Variants in PLEKHH2 observed in about 807,000 individuals in gnomAD.
The protein encoded by PLEKHH2 is pleckstrin homology, MyTH4 and FERM domain containing H2.
Under a neutral mutation model 187.9 loss-of-function variants are expected in PLEKHH2, and 129 were observed. That is an observed-to-expected ratio of 0.69 (90% CI 0.59 to 0.79). PLEKHH2 has a LOEUF of 0.79. Ranked by LOEUF, PLEKHH2 falls within the 30% of genes least tolerant of loss-of-function variation. The pLI is 0.00. For missense variants in PLEKHH2, 2,076 were observed against 1,751.2 expected, an observed-to-expected ratio of 1.19 and a Z score of -3.31; for synonymous variants, 686 against 605.6, an observed-to-expected ratio of 1.13 and a Z score of -1.95.
chr2:43,750,570 A>G (rs1671970715), intron 24 of PLEKHH2, among the ~76,000 whole-genome samples: 1 of 151,786 alleles, frequency 6.6e-6, no homozygotes, highest in Admixed American at 6.6e-5. Flanking sequence ...ACTAACCCTC[A>G]TTTGTTGAAC....
At chr2:43,677,423 G>A (rs1232370039) in intron 2 of PLEKHH2, among the ~76,000 whole-genome samples, 1 of 152,090 alleles carries the variant, frequency 6.6e-6, no homozygotes, top group Non-Finnish European at 1.5e-5. Context: ...CTGCCTTCAA[G>A]CATCTGTTTA....
At chr2:43,751,399 C>G (rs949720977) in intron 24 of PLEKHH2, among the ~76,000 whole-genome samples, 1 of 152,080 alleles carries the variant, frequency 6.6e-6, no homozygotes, top group South Asian at 2.1e-4. Flanking sequence ...CAGGCTTTCC[C>G]CCCAGTAAGT....
At chr2:43,696,097 C>T (rs949169615) in intron 6 of PLEKHH2, among the ~76,000 whole-genome samples, 21 of 151,984 alleles carry the variant, frequency 1.4e-4, no homozygotes, top group African/African-American at 4.4e-4. Flanking sequence ...ATTGATAATC[C>T]GCTGATAAAC....
rs1671625300 is a variant in PLEKHH2, at chr2:43,742,755, A to C, written c.3236A>C (p.Lys1079Thr). The C allele has an allele frequency of 6.4e-7, 1 of 1,571,970 alleles. No homozygotes were observed. The highest frequency in any genetic ancestry group is 1.2e-5 in the South Asian group (1 of 83,212). ...RNADSRTEFG[K>T]YAIYCQRCVE... The stretch of plus-strand genomic sequence containing the variant: ...TTGTATTACAGGACAGAATTTGGAA[A>C]ATATGCCATTTACTGCCAGCGTTGT... Residue 1079 changes from lysine (K) to threonine (T), a missense_variant, in exon 22 of 30, where the codon AAA becomes ACA. Coordinates refer to ENST00000282406, the MANE Select transcript of PLEKHH2 (RefSeq NM_172069.4).
Position 43,731,524 on chromosome 2 carries a change from C to A in PLEKHH2, c.2865C>A (p.His955Gln). The A allele has an allele frequency of 6.2e-7, 1 of 1,605,692 alleles. No homozygotes were observed. The highest frequency in any genetic ancestry group is 8.5e-7 in the Non-Finnish European group (1 of 1,172,854). ...SQIWRHPTLCHSKEGIISPLT... is the reference protein window; with the variant it reads ...SQIWRHPTLCQSKEGIISPLT... ...TATGGAGACACCCCACTTTGTGTCA[C>A]AGTAAAGAAGGAATCATTTCCCCTC... is the stretch of plus-strand genomic sequence containing the variant. Residue 955 changes from histidine (H) to glutamine (Q), a missense_variant, in exon 19 of 30, where the codon CAC becomes CAA. By Grantham distance (24) the His-to-Gln change is conservative. Coordinates refer to ENST00000282406, the MANE Select transcript of PLEKHH2 (RefSeq NM_172069.4).
intron 2 of PLEKHH2, among the ~76,000 whole-genome samples, chr2:43,645,175 C>A (rs777774677): frequency 6.6e-6 from 1 of 151,778 alleles, no homozygotes; most frequent in Admixed American, 6.6e-5. Flanking sequence ...GTGTTTATAC[C>A]GTATTTGAAA....
intron 3 of PLEKHH2, among the ~76,000 whole-genome samples, chr2:43,683,532 T>TA (rs1216384466): frequency 1.3e-5 from 2 of 152,172 alleles, no homozygotes; most frequent in African/African-American, 4.8e-5. Flanking sequence ...TTTTAATTTA[T>TA]AGGGTCTTTT....
intron 24 of PLEKHH2, 44 bp from the exon 25 acceptor site, chr2:43,753,575 G>A: frequency 7.3e-7 from 1 of 1,374,608 alleles, no homozygotes. Context: ...TTATTTCCTT[G>A]TAAGAATATA....
chr2:43,678,991 T>A (rs1668022411), intron 3 of PLEKHH2, 66 bp downstream of exon 3: 1 of 1,113,052 alleles, frequency 9.0e-7, no homozygotes, highest in East Asian at 2.4e-5. Context: ...GTTTTGCTCA[T>A]AATGGAAAGA....
At chr2:43,701,041 A>G (rs747438101) in intron 8 of PLEKHH2, among the ~76,000 whole-genome samples, 2 of 152,222 alleles carry the variant, frequency 1.3e-5, no homozygotes, top group Non-Finnish European at 2.9e-5. Context: ...TTCTGAATCA[A>G]TTGAGAAATA....
chr2:43,724,491 A>G lies in PLEKHH2; in HGVS notation c.2542-1781A>G, dbSNP rs187832552. ...CAAAAGTTTTACAACAGATAGGCCA[A>G]ATATTCAACACACCAGATATAGTTG... On this transcript the variant is annotated intron_variant, in intron 16 of 29. Coordinates refer to ENST00000282406, the MANE Select transcript of PLEKHH2 (RefSeq NM_172069.4). Among the ~76,000 whole-genome samples, 749 of 152,346 alleles carry G rather than the reference A, an allele frequency of 4.9e-3. 2 individuals carry two copies. Among genetic ancestry groups the G allele is most frequent in the Admixed American group, 0.011 (168 of 15,304 alleles).
intron 1 of PLEKHH2, among the ~76,000 whole-genome samples, chr2:43,639,777 C>CTCCCTAG (rs1703286345): frequency 6.6e-6 from 1 of 151,740 alleles, no homozygotes. Flanking sequence ...CTGTCTCAGC[C>CTCCCTAG]TCCCTAGTAG....
chr2:43,707,520 A>G lies in PLEKHH2; in HGVS notation c.1941A>G (p.Pro647=), dbSNP rs771959527. Residue 647 remains proline (P), a synonymous_variant, in exon 11 of 30, where the codon CCA becomes CCG. Transcript: ENST00000282406. ...CAGACTCACGCAGTAGGAGTGGGCC[A>G]GGCAGCCCCAGAGCCATGAAACGAG... is the stretch of plus-strand genomic sequence containing the variant. ...SESDSRSRSG[P]GSPRAMKRGV... is the part of the protein sequence containing the mutation. The G allele has an allele frequency of 5.6e-6, 9 of 1,614,020 alleles. No individual in the cohort carries two copies. The highest frequency in any genetic ancestry group is 5.0e-5 in the Admixed American group (3 of 60,000).
chr2:43,676,282 A>C, intron 2 of PLEKHH2: 1 of 1,612,904 alleles, frequency 6.2e-7, no homozygotes, highest in Non-Finnish European at 8.5e-7. Flanking sequence ...GCTCCCAAGC[A>C]ACATACCCTT....
intron 11 of PLEKHH2, among the ~76,000 whole-genome samples, chr2:43,709,223 T>G (rs72790985): frequency 0.17 from 25,136 of 152,182 alleles, 2,226 homozygotes; most frequent in Non-Finnish European, 0.2. Context: ...ATGAAATATT[T>G]TTAAAATCTG....
chr2:43,714,534 T>G (rs2568242), intron 15 of PLEKHH2, among the ~76,000 whole-genome samples: 7 of 152,162 alleles, frequency 4.6e-5, no homozygotes, highest in Admixed American at 1.3e-4. Flanking sequence ...TTGAATACCT[T>G]GGAGGGGAGG....
In PLEKHH2 at chr2:43,729,650, A is replaced by G. The variant is rs1392886539; in HGVS notation, c.2735A>G (p.Tyr912Cys). Residue 912 changes from tyrosine to cysteine, a missense_variant, in exon 18 of 30, where the codon TAT (tyrosine) becomes TGT (cysteine). Coordinates refer to ENST00000282406, the MANE Select transcript of PLEKHH2 (RefSeq NM_172069.4). ...TCTGGTTTTAAGGACACTTGGCTTT[A>G]TCATCTGACTGTTGCAGCTGGAAGC... ...GSKHEKDTWL[Y>C]HLTVAAGSNN... 6 of 1,597,990 alleles carry G rather than the reference A, an allele frequency of 3.8e-6. No individual in the cohort carries two copies. The highest frequency in any genetic ancestry group is 5.1e-6 in the Non-Finnish European group (6 of 1,174,390).
In PLEKHH2 at chr2:43,704,064, C is replaced by T; in HGVS notation, c.1726+8C>T. On this transcript the variant is annotated splice_region_variant and intron_variant, in intron 9 of 29. Transcript: ENST00000282406. ...TGGAGAGTGTTAATAAAAGTAAGTG[C>T]TTTTTCATGCTGCCACCTGGATGAA... 6.4e-7 allele frequency: 1 copy of T among 1,566,736 alleles called. No homozygotes were observed. Among genetic ancestry groups the T allele is most frequent in the South Asian group, 1.1e-5 (1 of 89,276 alleles).
chr2:43,694,657 G>A, intron 5 of PLEKHH2, 143 bp downstream of exon 5: 2 of 860,432 alleles, frequency 2.3e-6, no homozygotes, highest in East Asian at 3.5e-5. Flanking sequence ...ATGAGATATA[G>A]GTAGCTTTCA....
Sources: allele counts gnomAD v4.1 joint callset (sites outside exome capture counted in the v4.1 genomes callset), GRCh38; gene constraint gnomAD v4.1.1; transcripts MANE v1.5; gene names NCBI Gene and HGNC (gene_info 2026-07-23, HGNC 2026-07-21).